Variants in CSMD2 observed in about 807,000 individuals in gnomAD.
CSMD2 encodes the protein CUB and sushi domain-containing protein 2.
A neutral mutation model predicts 398.5 loss-of-function variants in CSMD2; 130 were observed. The observed-to-expected ratio is 0.33, with a 90% CI of 0.28 to 0.38. The LOEUF (loss-of-function observed/expected upper bound fraction) is 0.38. Ranked by LOEUF, CSMD2 falls within the 10% of genes least tolerant of loss-of-function variation. The pLI is 1.00. For missense variants in CSMD2, 3,829 were observed against 4,764.9 expected (o/e 0.80, Z 5.78); for synonymous variants, 1,828 against 1,908.5 (o/e 0.96, Z 1.10).
At chr1:34,100,215 A>G (rs924814717) in intron 1 of CSMD2, among the ~76,000 whole-genome samples, 2 of 152,196 alleles carry the variant, frequency 1.3e-5, no homozygotes, top group South Asian at 4.1e-4. Flanking sequence ...TGTAATATGC[A>G]TAGATATGCA....
intron 1 of CSMD2, among the ~76,000 whole-genome samples, chr1:34,115,827 G>A (rs1661547180): frequency 1.3e-5 from 2 of 152,148 alleles, no homozygotes; most frequent in South Asian, 2.1e-4. Flanking sequence ...TAGGGAGAAA[G>A]AAGGTGTAAT....
intron 5 of CSMD2, among the ~76,000 whole-genome samples, chr1:33,916,788 T>C (rs556203221): frequency 6.6e-6 from 1 of 152,264 alleles, no homozygotes; most frequent in Non-Finnish European, 1.5e-5. Flanking sequence ...CACACTTGGC[T>C]CCTACCATGG....
At position 33,624,958 on chromosome 1, in the gene CSMD2, C is replaced by T; in HGVS notation, c.5500+93G>A. On this transcript the variant is annotated intron_variant, in intron 34 of 70. Transcript: ENST00000373381. This position sits in a 1 kb window ranked among gnomAD's most constrained non-coding sequence, Gnocchi z 4.7. ...GCGGTGGGAAGCGGCTGCTGTGTGT[C>T]GTGGGGCATCACTGGGGCTGACTGC... 1.6e-6 allele frequency: 2 copies of T among 1,289,452 alleles called. No homozygotes were observed. Among genetic ancestry groups the T allele is most frequent in the Non-Finnish European group, 2.2e-6 (2 of 898,310 alleles). 79.9% of individuals were successfully genotyped at this position (1,289,452 alleles called of 1,614,324 possible). A position where few individuals can be genotyped will look rare whatever the true frequency, so the allele number is the denominator to read the frequency against.
At chr1:34,114,005 C>T (rs1661354857) in intron 1 of CSMD2, among the ~76,000 whole-genome samples, 1 of 152,172 alleles carries the variant, frequency 6.6e-6, no homozygotes, top group Admixed American at 6.5e-5. Context: ...AACCAGAGTG[C>T]TGATGGGGAA....
At chr1:33,938,959 T>C (rs1644578127) in intron 3 of CSMD2, among the ~76,000 whole-genome samples, 1 of 151,640 alleles carries the variant, frequency 6.6e-6, no homozygotes, top group Non-Finnish European at 1.5e-5. Flanking sequence ...CCCATGCTGC[T>C]GGCTTAGTTG....
intron 64 of CSMD2, among the ~76,000 whole-genome samples, chr1:33,532,659 G>A (rs1655356333): frequency 6.6e-6 from 1 of 152,220 alleles, no homozygotes; most frequent in Admixed American, 6.5e-5. Context: ...AATAGAGAAC[G>A]AGTGAATGAA....
At chr1:33,734,462 C>A (rs912700265) in intron 15 of CSMD2, among the ~76,000 whole-genome samples, 42 of 152,052 alleles carry the variant, frequency 2.8e-4, no homozygotes, top group African/African-American at 1.0e-3. Context: ...GCTCAAGCAA[C>A]CCTCCGAGTA....
rs962150454 is a variant in CSMD2, at chr1:33,559,013, G to A, written c.8554+287C>T. Reference sequence around the variant, plus strand: ...TAAACCTCTGTTAAAAAATAACGGGGCTTTATAAGATAATGATACATTATT... The same window carrying A: ...TAAACCTCTGTTAAAAAATAACGGGACTTTATAAGATAATGATACATTATT... On this transcript the variant is annotated intron_variant, in intron 54 of 70. Transcript: ENST00000373381. This position sits in a 1 kb window ranked among gnomAD's most constrained non-coding sequence, Gnocchi z 4.0. Among the ~76,000 whole-genome samples, 3 of 152,226 alleles carry A rather than the reference G, an allele frequency of 2.0e-5. No individual in the cohort carries two copies. Among genetic ancestry groups the A allele is most frequent in the African/African-American group, 2.4e-5 (1 of 41,548 alleles).
At chr1:33,574,666 C>A (rs968386202) in intron 49 of CSMD2, among the ~76,000 whole-genome samples, 2 of 152,140 alleles carry the variant, frequency 1.3e-5, no homozygotes, top group African/African-American at 4.8e-5. Flanking sequence ...GGAGGGTAGA[C>A]TGTTCAGAGG....
chr1:33,849,884 C>G (rs986632995), intron 5 of CSMD2, among the ~76,000 whole-genome samples: 5 of 146,698 alleles, frequency 3.4e-5, no homozygotes, highest in African/African-American at 1.4e-4. Flanking sequence ...AAAAACAAAT[C>G]AAAACAAAAC....
At chr1:33,865,399 CAA>C (rs56728239) in intron 5 of CSMD2, among the ~76,000 whole-genome samples, 83 of 120,880 alleles carry the variant, frequency 6.9e-4, no homozygotes, top group African/African-American at 1.9e-3. Flanking sequence ...CAGATTTTAC[CAA>C]AAAAAAAAAA....
At chr1:34,065,996 C>T (rs1655065735) in intron 2 of CSMD2, among the ~76,000 whole-genome samples, 1 of 152,168 alleles carries the variant, frequency 6.6e-6, no homozygotes, top group African/African-American at 2.4e-5. Flanking sequence ...TAATGGTCAA[C>T]TCTGAAGTCT....
intron 4 of CSMD2, among the ~76,000 whole-genome samples, chr1:33,935,264 T>C (rs1339187340): frequency 1.3e-5 from 2 of 151,988 alleles, no homozygotes; most frequent in Non-Finnish European, 2.9e-5. Flanking sequence ...GAGAGGTGTT[T>C]TTCTGGGGGA....
At chr1:34,165,659 C>T (rs1641824011), upstream of CSMD2, 18 of 1,240,002 alleles carry the variant, frequency 1.5e-5, no homozygotes, top group Non-Finnish European at 2.1e-5. Flanking sequence ...GGCACATACA[C>T]GCACACCTCT....
chr1:34,048,675 G>A (rs939498230), intron 2 of CSMD2, among the ~76,000 whole-genome samples: 4 of 152,154 alleles, frequency 2.6e-5, no homozygotes, highest in South Asian at 2.1e-4. Context: ...CCTGTTGGCC[G>A]CCAGAGCTGG....
At chr1:33,862,372 TG>T (rs1356145495) in intron 5 of CSMD2, 8 of 152,166 alleles carry the variant, frequency 5.3e-5, no homozygotes, top group African/African-American at 1.9e-4. Flanking sequence ...TGTGTGTGTG[TG>T]TGTGTGTGTG....
chr1:33,768,874 T>C (rs778132058), intron 13 of CSMD2, among the ~76,000 whole-genome samples: 3 of 152,194 alleles, frequency 2.0e-5, no homozygotes, highest in Non-Finnish European at 2.9e-5. Context: ...TTCACACATA[T>C]ACTATACACA....
At chr1:33,966,880 C>T (rs780713344) in intron 3 of CSMD2, among the ~76,000 whole-genome samples, 15 of 152,268 alleles carry the variant, frequency 9.9e-5, no homozygotes, top group African/African-American at 1.4e-4. Flanking sequence ...TGTGGAAATG[C>T]GCCTAGACAA....
In CSMD2 at chr1:33,624,299, T is replaced by C. The variant is rs1641956126; in HGVS notation, c.5625+220A>G. ...CTCCCACCGCATGTCCCTGAAGCTC[T>C]TGGGGCCTGGAACCTGCTGTGTTTT... On this transcript the variant is annotated intron_variant, in intron 35 of 70. Transcript: ENST00000373381. The surrounding 1 kb of genome is among the most constrained non-coding windows in gnomAD (Gnocchi z 4.7). Among the ~76,000 whole-genome samples, 1 of 152,178 alleles carries C rather than the reference T, an allele frequency of 6.6e-6. No individual in the cohort carries two copies. Among genetic ancestry groups the C allele is most frequent in the Admixed American group, 6.5e-5 (1 of 15,282 alleles).
Sources: gnomAD v4.1 joint callset for allele counts (sites outside exome capture counted in the v4.1 genomes callset) on GRCh38, gnomAD v4.1.1 for gene constraint, Gnocchi (gnomAD v3.1) non-coding constraint, MANE v1.5 for transcripts, NCBI Gene and HGNC (gene_info 2026-07-23, HGNC 2026-07-21) for gene names.